The following FBXL20 variants were observed in gnomAD, a reference collection of about 807,000 sequenced individuals.
FBXL20 encodes the protein F-box and leucine rich repeat protein 20.
FBXL20 carries 11 observed loss-of-function variants against 64.0 expected under a neutral mutation model. That is an observed-to-expected ratio of 0.17 (90% confidence interval 0.11 to 0.28). FBXL20 has a LOEUF of 0.28. Among genes scored for constraint, FBXL20 ranks in the 10% least tolerant of loss-of-function variants. The pLI, the probability that FBXL20 is intolerant of heterozygous loss-of-function variation, is 1.00. For synonymous variants in FBXL20, 184 were observed against 189.0 expected (o/e 0.97, Z 0.22); for missense variants, 303 against 526.2 (o/e 0.58, Z 4.15).
At chr17:39,356,979 T>A (rs2047747713) in intron 1 of FBXL20, among the ~76,000 whole-genome samples, 1 of 149,980 alleles carries the variant, frequency 6.7e-6, no homozygotes, top group Non-Finnish European at 1.5e-5. Context: ...TGAAATAGTC[T>A]TTAAAGCAAA....
At chr17:39,300,262 T>C (rs2047122190) in intron 4 of FBXL20, among the ~76,000 whole-genome samples, 1 of 152,170 alleles carries the variant, frequency 6.6e-6, no homozygotes, top group African/African-American at 2.4e-5. Context: ...TGACCTCAGG[T>C]GATCCGCCCA....
chr17:39,390,087 A>T (rs1276166514), intron 1 of FBXL20, among the ~76,000 whole-genome samples: 1 of 152,160 alleles, frequency 6.6e-6, no homozygotes, highest in African/African-American at 2.4e-5. Flanking sequence ...CTACTAAATT[A>T]TTACTGTTGA....
chr17:39,287,751 T>A (rs997930823), intron 6 of FBXL20, among the ~76,000 whole-genome samples: 5 of 152,076 alleles, frequency 3.3e-5, no homozygotes, highest in Admixed American at 6.6e-5. Flanking sequence ...AATTGCTAGA[T>A]CCTATGGCAA....
chr17:39,278,112 G>A (rs1178235443), intron 9 of FBXL20, among the ~76,000 whole-genome samples: 2 of 152,160 alleles, frequency 1.3e-5, no homozygotes, highest in Admixed American at 1.3e-4. Context: ...GTAAATATAT[G>A]TGCATATATA....
chr17:39,371,657 C>CTTTTTTCTTT (rs1204924935), intron 1 of FBXL20, among the ~76,000 whole-genome samples: 2 of 150,580 alleles, frequency 1.3e-5, no homozygotes, highest in Non-Finnish European at 3.0e-5. Flanking sequence ...TTGTTGTTTA[C>CTTTTTTCTTT]TTTTTTCTTT....
At chr17:39,272,418 CAA>C (rs900004553) in intron 10 of FBXL20, among the ~76,000 whole-genome samples, 2 of 145,894 alleles carry the variant, frequency 1.4e-5, no homozygotes, top group African/African-American at 5.1e-5. Context: ...TTTTTAATTC[CAA>C]GAGATGGCCA....
At chr17:39,277,297 T>C (rs1003588532) in intron 9 of FBXL20, among the ~76,000 whole-genome samples, 2 of 152,106 alleles carry the variant, frequency 1.3e-5, no homozygotes, top group Admixed American at 6.6e-5. Context: ...ATAGCCGAGA[T>C]GTAAAGAGGG....
chr17:39,303,783 G>T, intron 2 of FBXL20, 144 bp from the exon 3 acceptor site: 1 of 585,192 alleles, frequency 1.7e-6, no homozygotes, highest in Non-Finnish European at 2.9e-6. Context: ...ACTTCCTGGG[G>T]TCAGGTGATC....
chr17:39,356,892 A>C (rs2047746960), intron 1 of FBXL20, among the ~76,000 whole-genome samples: 1 of 150,900 alleles, frequency 6.6e-6, no homozygotes, highest in African/African-American at 2.4e-5. Context: ...TTAAACTCCT[A>C]AACTCAAGAG....
intron 2 of FBXL20, among the ~76,000 whole-genome samples, chr17:39,311,603 A>G (rs1329185138): frequency 6.6e-6 from 1 of 152,144 alleles, no homozygotes; most frequent in Non-Finnish European, 1.5e-5. Flanking sequence ...AAATAAACAT[A>G]TATACTTCCA....
intron 1 of FBXL20, among the ~76,000 whole-genome samples, chr17:39,382,717 T>C (rs1279815001): frequency 6.6e-6 from 1 of 151,904 alleles, no homozygotes; most frequent in East Asian, 1.9e-4. Context: ...GGCATGCACC[T>C]GTAGCGCAGC....
intron 1 of FBXL20, among the ~76,000 whole-genome samples, chr17:39,366,885 T>C (rs1420607389): frequency 6.7e-6 from 1 of 150,038 alleles, no homozygotes; most frequent in Non-Finnish European, 1.5e-5. Flanking sequence ...ATCAGTCCTT[T>C]TTTTTTTTTT....
chr17:39,365,889 T>G (rs923842500), intron 1 of FBXL20, among the ~76,000 whole-genome samples: 1 of 152,240 alleles, frequency 6.6e-6, no homozygotes, highest in African/African-American at 2.4e-5. Flanking sequence ...TATTATTTCA[T>G]GTCCACCTCT....
At chr17:39,398,420 A>G (rs2048208341) in intron 1 of FBXL20, among the ~76,000 whole-genome samples, 1 of 152,238 alleles carries the variant, frequency 6.6e-6, no homozygotes, top group African/African-American at 2.4e-5. Context: ...AATTTGCTGC[A>G]AAGTTTACCA....
At chr17:39,322,080 G>A (rs1178653134) in intron 2 of FBXL20, among the ~76,000 whole-genome samples, 1 of 149,070 alleles carries the variant, frequency 6.7e-6, no homozygotes, top group South Asian at 2.1e-4. Context: ...GGTGGCTCAT[G>A]CCTGGAAGGC....
chr17:39,402,006 T>C (rs952251411), upstream of FBXL20: 13 of 564,194 alleles, frequency 2.3e-5, no homozygotes, highest in Non-Finnish European at 3.4e-5. Context: ...GCCCCTCTTC[T>C]GCCCCGTGTC....
chr17:39,376,171 G>C (rs2047965396), intron 1 of FBXL20, among the ~76,000 whole-genome samples: 1 of 151,984 alleles, frequency 6.6e-6, no homozygotes, highest in Non-Finnish European at 1.5e-5. Flanking sequence ...TGGTAACTGA[G>C]GGAATGGAAC....
intron 1 of FBXL20, among the ~76,000 whole-genome samples, chr17:39,368,765 C>G (rs913134070): frequency 6.6e-6 from 1 of 152,112 alleles, no homozygotes; most frequent in East Asian, 1.9e-4. Flanking sequence ...AAGCTATTCT[C>G]CTGCCTCAGC....
intron 2 of FBXL20, among the ~76,000 whole-genome samples, chr17:39,341,418 C>G (rs949012069): frequency 6.6e-6 from 1 of 152,112 alleles, no homozygotes; most frequent in Non-Finnish European, 1.5e-5. Context: ...CCTCCAGTGT[C>G]CCAACTTGAG....
Sources: gnomAD v4.1 joint callset for allele counts (sites outside exome capture counted in the v4.1 genomes callset) on GRCh38, gnomAD v4.1.1 for gene constraint, MANE v1.5 for transcripts, NCBI Gene and HGNC (gene_info 2026-07-23, HGNC 2026-07-21) for gene names.